CDH7: variants seen among roughly 807,000 people sequenced by gnomAD.
The protein encoded by CDH7 is cadherin-7.
Under a neutral mutation model 71.8 loss-of-function variants are expected in CDH7, and 25 were observed. The ratio of observed to expected loss-of-function variants is 0.35; its 90% CI spans 0.25 to 0.49. CDH7 has a LOEUF of 0.49. Among genes scored for constraint, CDH7 ranks in the 20% least tolerant of loss-of-function variants. The pLI is 0.99. For synonymous variants in CDH7, 381 were observed against 363.8 expected (o/e 1.05, Z -0.54); for missense variants, 862 against 974.6 (o/e 0.88, Z 1.54).
intron 2 of CDH7, among the ~76,000 whole-genome samples, chr18:65,778,403 G>C (rs1910038871): frequency 6.6e-6 from 1 of 150,582 alleles, no homozygotes; most frequent in African/African-American, 2.4e-5. Flanking sequence ...AAACTGCACA[G>C]AGGAAACTGG....
intron 4 of CDH7, among the ~76,000 whole-genome samples, chr18:65,821,530 C>T (rs1039248510): frequency 1.3e-5 from 2 of 152,022 alleles, no homozygotes; most frequent in African/African-American, 2.4e-5. Flanking sequence ...AAATAAGCAA[C>T]GTGGACTTTT....
At chr18:65,843,699 T>C (rs1189828102) in intron 6 of CDH7, 113 bp from the exon 7 acceptor site, 6 of 877,726 alleles carry the variant, frequency 6.8e-6, no homozygotes, top group Non-Finnish European at 1.0e-5. Context: ...ATGCTGATGG[T>C]GCATTTACAT....
chr18:65,829,766 A>T (rs1912269693), intron 6 of CDH7, among the ~76,000 whole-genome samples: 1 of 133,760 alleles, frequency 7.5e-6, no homozygotes, highest in Non-Finnish European at 1.6e-5. Flanking sequence ...ATTTTTTTTC[A>T]AGGAAGGGAG....
At chr18:65,753,076 G>T (rs140654579) in intron 1 of CDH7, among the ~76,000 whole-genome samples, 460 of 152,234 alleles carry the variant, frequency 3.0e-3, no homozygotes, top group Non-Finnish European at 5.4e-3. Flanking sequence ...CTAGTGTTTA[G>T]TGTCCAATGA....
chr18:65,870,859 G>A (rs9957649), intron 11 of CDH7, among the ~76,000 whole-genome samples: 3,892 of 152,110 alleles, frequency 0.026, 161 homozygotes, highest in African/African-American at 0.089. Context: ...AGTGATCTTC[G>A]TCTCTCTGTC....
chr18:65,781,852 TTCTTTCTTTCTTTC>T lies in CDH7; in HGVS notation c.210+18804_210+18817del, dbSNP rs1397272878. On this transcript the variant is annotated intron_variant, in intron 2 of 11. Transcript: ENST00000397968. ...TTTCTTTCTTTCTTTCTTTCTTTCT[TTCTTTCTTTCTTTC>T]TCTCTCTCTCTCTGTCTCTCTCTCT... is the stretch of plus-strand genomic sequence containing the variant. Among the ~76,000 whole-genome samples the T allele has an allele frequency of 9.2e-4, 81 of 87,822 alleles. 1 individual carries two copies. Among genetic ancestry groups the T allele is most frequent in the African/African-American group, 5.6e-3 (66 of 11,690 alleles). 57.6% of individuals were successfully genotyped at this position (87,822 alleles called of 152,430 possible). A position where few individuals can be genotyped will look rare whatever the true frequency, so the allele number is the denominator to read the frequency against.
chr18:65,829,687 A>G (rs1912266166), intron 6 of CDH7, among the ~76,000 whole-genome samples: 1 of 151,784 alleles, frequency 6.6e-6, no homozygotes, highest in Non-Finnish European at 1.5e-5. Context: ...TTTTGAGTCT[A>G]AAAAATCCCT....
chr18:65,770,098 G>A (rs527303919), intron 2 of CDH7, among the ~76,000 whole-genome samples: 13 of 152,138 alleles, frequency 8.5e-5, no homozygotes, highest in Non-Finnish European at 1.9e-4. Flanking sequence ...TCAGGAGTGT[G>A]AGCCAGATTT....
At chr18:65,854,245 G>A (rs907567686) in intron 7 of CDH7, among the ~76,000 whole-genome samples, 8 of 151,958 alleles carry the variant, frequency 5.3e-5, no homozygotes, top group African/African-American at 1.7e-4. Context: ...GGTTGAGGCT[G>A]TAGTGAGCCA....
intron 2 of CDH7, among the ~76,000 whole-genome samples, chr18:65,785,299 T>C (rs900265162): frequency 1.3e-5 from 2 of 152,106 alleles, no homozygotes; most frequent in Admixed American, 6.6e-5. Flanking sequence ...TATAGTGTTC[T>C]GTAGAGATAG....
intron 6 of CDH7, among the ~76,000 whole-genome samples, 199 bp from the exon 7 acceptor site, chr18:65,843,611 TTC>T (rs1325130226): frequency 1.3e-5 from 2 of 152,156 alleles, no homozygotes; most frequent in Non-Finnish European, 2.9e-5. Context: ...ATGAAGTTGA[TTC>T]AAAAGCACTA....
At chr18:65,776,649 C>A (rs1010456247) in intron 2 of CDH7, among the ~76,000 whole-genome samples, 1 of 152,030 alleles carries the variant, frequency 6.6e-6, no homozygotes, top group Non-Finnish European at 1.5e-5. Context: ...TTTTTCTTGA[C>A]CATGCCTTAG....
intron 1 of CDH7, among the ~76,000 whole-genome samples, chr18:65,759,332 C>T (rs995402392): frequency 6.6e-6 from 1 of 151,666 alleles, no homozygotes; most frequent in African/African-American, 2.4e-5. Context: ...GAAACCTCCA[C>T]CTCCCGAGTT....
chr18:65,834,778 C>T (rs1912475929), intron 6 of CDH7, among the ~76,000 whole-genome samples: 2 of 152,222 alleles, frequency 1.3e-5, no homozygotes, highest in East Asian at 1.9e-4. Flanking sequence ...TGACTTCTTC[C>T]CGACTGTTTA....
chr18:65,863,578 T>G (rs900897465), intron 11 of CDH7: 1 of 152,242 alleles, frequency 6.6e-6, no homozygotes, highest in Non-Finnish European at 1.5e-5. Flanking sequence ...ATTTTCTATA[T>G]TGTTTTGACA....
chr18:65,876,125 A>G (rs1385595876), intron 11 of CDH7, among the ~76,000 whole-genome samples: 2 of 152,112 alleles, frequency 1.3e-5, no homozygotes, highest in Non-Finnish European at 2.9e-5. Flanking sequence ...TTCATACTGT[A>G]TTTATCTGTG....
chr18:65,828,160 T>G (rs1391961039), intron 6 of CDH7, among the ~76,000 whole-genome samples: 1 of 152,158 alleles, frequency 6.6e-6, no homozygotes, highest in South Asian at 2.1e-4. Flanking sequence ...TTTTATTATC[T>G]GTTAATATGT....
chr18:65,759,853 T>C (rs939935538), intron 1 of CDH7, among the ~76,000 whole-genome samples: 7 of 152,158 alleles, frequency 4.6e-5, no homozygotes, highest in Admixed American at 3.3e-4. Flanking sequence ...AATAAATTTC[T>C]CCAGCTCTGA....
In CDH7 at chr18:65,885,294, CG is replaced by C. The variant is rs1914339097; in HGVS notation, c.*4401del. 1 of 144,606 alleles carries C rather than the reference CG, an allele frequency of 6.9e-6. No individual in the cohort carries two copies. The highest frequency in any genetic ancestry group is 1.5e-5 in the Non-Finnish European group (1 of 66,614). 9.0% of individuals were successfully genotyped at this position (144,606 alleles called of 1,614,324 possible). On this transcript the variant is annotated 3_prime_UTR_variant, in exon 12 of 12. Coordinates refer to ENST00000397968, the MANE Select transcript of CDH7 (RefSeq NM_004361.5). ...CAAGCAAATCAAGACAGGCAGTGTG[CG>C]TTGCATTCTGACACTTTTTCATTGT... is the stretch of plus-strand genomic sequence containing the variant.
Sources: gnomAD v4.1 joint callset for allele counts (sites outside exome capture counted in the v4.1 genomes callset) on GRCh38, gnomAD v4.1.1 for gene constraint, MANE v1.5 for transcripts, NCBI Gene and HGNC (gene_info 2026-07-23, HGNC 2026-07-21) for gene names.